ERBB4: variants seen among roughly 807,000 people sequenced by gnomAD.
ERBB4 encodes the protein erb-b2 receptor tyrosine kinase 4.
A neutral mutation model predicts 158.0 loss-of-function variants in ERBB4; 42 were observed. That is an observed-to-expected ratio of 0.27 (90% CI 0.21 to 0.34). The LOEUF (loss-of-function observed/expected upper bound fraction) is 0.34. Among genes scored for constraint, ERBB4 ranks in the 10% least tolerant of loss-of-function variants. The pLI is 1.00. For synonymous variants in ERBB4, 583 were observed against 558.7 expected, an observed-to-expected ratio of 1.04 and a Z score of -0.61; for missense variants, 1,333 against 1,624.1, an observed-to-expected ratio of 0.82 and a Z score of 3.08.
chr2:212,308,780 A>G (rs1345128551), intron 1 of ERBB4, among the ~76,000 whole-genome samples: 1 of 151,004 alleles, frequency 6.6e-6, no homozygotes, highest in Admixed American at 6.6e-5. Flanking sequence ...AGCAATATTC[A>G]ATAGGCTTAA....
chr2:212,426,234 T>C (rs551972912), intron 1 of ERBB4: 3 of 493,642 alleles, frequency 6.1e-6, no homozygotes, highest in East Asian at 6.6e-5. Flanking sequence ...ATTTAGTTAC[T>C]TTTTACGTGC....
chr2:212,334,350 A>G (rs1056233604), intron 1 of ERBB4, among the ~76,000 whole-genome samples: 1 of 152,018 alleles, frequency 6.6e-6, no homozygotes, highest in African/African-American at 2.4e-5. Flanking sequence ...ACATATTTGA[A>G]ATTTTGTTCA....
intron 1 of ERBB4, among the ~76,000 whole-genome samples, chr2:212,301,623 C>T (rs1381871298): frequency 1.3e-5 from 2 of 151,262 alleles, no homozygotes. Context: ...ACTTTTGTAA[C>T]AGGTCCTAAT....
intron 1 of ERBB4, among the ~76,000 whole-genome samples, chr2:212,250,939 T>G (rs1183519223): frequency 2.0e-5 from 3 of 151,982 alleles, no homozygotes; most frequent in African/African-American, 4.8e-5. Context: ...AATAGTGGTG[T>G]GAATTTCTGA....
At position 211,747,932 on chromosome 2, in the gene ERBB4, A is replaced by T. The variant is rs142662220; in HGVS notation, c.622+2707T>A. The stretch of plus-strand genomic sequence containing the variant: ...GTTCACTTCCCTTATATGAAATGGC[A>T]TATAATATTTGAGTATAAACTACAC... On this transcript the variant is annotated intron_variant, in intron 5 of 27. Coordinates refer to ENST00000342788, the MANE Select transcript of ERBB4 (RefSeq NM_005235.3). Among the ~76,000 whole-genome samples the T allele has an allele frequency of 2.5e-3, 386 of 152,142 alleles. 5 individuals carry two copies. The highest frequency in any genetic ancestry group is 8.7e-3 in the African/African-American group (360 of 41,548).
chr2:212,538,382 G>C (rs1192043540), intron 1 of ERBB4, 67 bp downstream of exon 1: 21 of 1,392,078 alleles, frequency 1.5e-5, no homozygotes, highest in Non-Finnish European at 2.1e-5. Flanking sequence ...AGAGGGCAGG[G>C]GAGCCACTCG....
chr2:211,460,755 A>AT (rs1162312501), intron 20 of ERBB4, among the ~76,000 whole-genome samples: 1 of 151,926 alleles, frequency 6.6e-6, no homozygotes, highest in African/African-American at 2.4e-5. Flanking sequence ...ATTTTCCTGC[A>AT]TTAAAAAAAA....
chr2:211,640,083 T>C (rs2125891862), intron 16 of ERBB4, among the ~76,000 whole-genome samples: 2 of 152,230 alleles, frequency 1.3e-5, no homozygotes, highest in East Asian at 3.9e-4. Context: ...TAGTCAATTC[T>C]GTATATAAAG....
At chr2:211,481,572 A>G (rs1259117426) in intron 20 of ERBB4, among the ~76,000 whole-genome samples, 1 of 150,790 alleles carries the variant, frequency 6.6e-6, no homozygotes, top group Non-Finnish European at 1.5e-5. Context: ...CTCTGGAAGT[A>G]CTGCTGTGCT....
intron 1 of ERBB4, among the ~76,000 whole-genome samples, chr2:212,318,316 T>C (rs1336872637): frequency 6.6e-6 from 1 of 151,616 alleles, no homozygotes; most frequent in Non-Finnish European, 1.5e-5. Flanking sequence ...CTGATATAAT[T>C]ACTGTTGTAA....
intron 1 of ERBB4, among the ~76,000 whole-genome samples, chr2:212,371,132 G>T (rs896298678): frequency 6.6e-6 from 1 of 152,090 alleles, no homozygotes; most frequent in Non-Finnish European, 1.5e-5. Flanking sequence ...GCCCAATCAC[G>T]TTGGGCAAGG....
chr2:211,500,335 A>G (rs1056808451), intron 20 of ERBB4, among the ~76,000 whole-genome samples: 2 of 152,124 alleles, frequency 1.3e-5, no homozygotes, highest in Non-Finnish European at 2.9e-5. Flanking sequence ...TAGCTAGAAT[A>G]GCAATTTAGG....
intron 1 of ERBB4, among the ~76,000 whole-genome samples, chr2:212,142,716 A>C (rs981139305): frequency 6.6e-6 from 1 of 151,490 alleles, no homozygotes; most frequent in Non-Finnish European, 1.5e-5. Flanking sequence ...ACAGAAATGG[A>C]ATGAGACTCT....
chr2:211,778,546 C>T (rs1411642389), intron 4 of ERBB4: 1 of 152,082 alleles, frequency 6.6e-6, no homozygotes, highest in Non-Finnish European at 1.5e-5. Context: ...TATGGCATTC[C>T]CCCGGATAAA....
intron 20 of ERBB4, among the ~76,000 whole-genome samples, chr2:211,517,602 A>G (rs1246615227): frequency 6.6e-6 from 1 of 152,124 alleles, no homozygotes; most frequent in Non-Finnish European, 1.5e-5. Flanking sequence ...GATTAGGCAC[A>G]CCTTGCCTAA....
intron 16 of ERBB4, among the ~76,000 whole-genome samples, chr2:211,642,010 G>C (rs745844884): frequency 1.3e-5 from 2 of 151,884 alleles, no homozygotes; most frequent in Non-Finnish European, 2.9e-5. Context: ...GAATGAAATA[G>C]TTAAGTGGGA....
At chr2:212,494,378 T>C (rs573609855) in intron 1 of ERBB4, among the ~76,000 whole-genome samples, 1 of 152,176 alleles carries the variant, frequency 6.6e-6, no homozygotes, top group East Asian at 1.9e-4. Flanking sequence ...TTTCTCATTA[T>C]TGGGTATGTT....
chr2:212,362,239 G>A (rs893389605), intron 1 of ERBB4, among the ~76,000 whole-genome samples: 5 of 151,026 alleles, frequency 3.3e-5, no homozygotes, highest in African/African-American at 1.2e-4. Context: ...TACTTCCATC[G>A]GTATACTAAA....
At chr2:211,852,538 CA>C (rs1432956072) in intron 3 of ERBB4, among the ~76,000 whole-genome samples, 2 of 151,466 alleles carry the variant, frequency 1.3e-5, no homozygotes, top group Non-Finnish European at 3.0e-5. Flanking sequence ...AGCAGGTCCT[CA>C]AATTACATTG....
Sources: allele counts gnomAD v4.1 joint callset (sites outside exome capture counted in the v4.1 genomes callset), GRCh38; gene constraint gnomAD v4.1.1; transcripts MANE v1.5; gene names NCBI Gene and HGNC (gene_info 2026-07-23, HGNC 2026-07-21).